TBCD: variants seen among roughly 807,000 people sequenced by gnomAD.
TBCD encodes tubulin folding cofactor D.
A neutral mutation model predicts 169.3 loss-of-function variants in TBCD; 105 were observed. The ratio of observed to expected loss-of-function variants is 0.62; its 90% CI spans 0.53 to 0.73. TBCD has a LOEUF of 0.73. Ranked by LOEUF, TBCD falls within the 30% of genes least tolerant of loss-of-function variation. TBCD has a pLI of 0.00. For missense variants in TBCD, 1,444 were observed against 1,600.1 expected, an observed-to-expected ratio of 0.90 and a Z score of 1.66; for synonymous variants, 700 against 643.9, an observed-to-expected ratio of 1.09 and a Z score of -1.32.
At position 82,921,607 on chromosome 17, in the gene TBCD, C is replaced by T. The variant is rs372490951; in HGVS notation, c.2178+30C>T. 28 of 1,606,052 alleles carry T rather than the reference C, an allele frequency of 1.7e-5. No homozygotes were observed. The East Asian group carries it at 2.2e-4, about 13-fold the overall frequency. ...AGTGAGCATGGGCGTTCCCGGCCGG[C>T]GCTGTGGCGGTGTTAGTGTGTTAGT... On this transcript the variant is annotated intron_variant, in intron 25 of 38. Transcript: ENST00000355528.
chr17:82,817,029 T>C (rs570274246), intron 13 of TBCD, among the ~76,000 whole-genome samples: 1 of 152,338 alleles, frequency 6.6e-6, no homozygotes, highest in African/African-American at 2.4e-5. Flanking sequence ...AATATTTTTT[T>C]AATTGTTGTT....
intron 13 of TBCD, among the ~76,000 whole-genome samples, chr17:82,854,678 C>T (rs2056101973): frequency 6.6e-6 from 1 of 152,184 alleles, no homozygotes; most frequent in Non-Finnish European, 1.5e-5. Context: ...CTGGGGGGAG[C>T]TGGGCAGCAG....
intron 34 of TBCD, among the ~76,000 whole-genome samples, chr17:82,936,392 C>T (rs184254435): frequency 2.6e-5 from 4 of 152,346 alleles, no homozygotes; most frequent in African/African-American, 9.6e-5. Context: ...CCCTTCCTTC[C>T]GTGCCCGGTG....
intron 13 of TBCD, chr17:82,830,576 C>T (rs1477499121): frequency 6.2e-7 from 1 of 1,614,084 alleles, no homozygotes; most frequent in East Asian, 2.2e-5. Context: ...TGTGGAACAG[C>T]AGCAGCAGGT....
At chr17:82,757,964 C>T (rs2047491964) in intron 2 of TBCD, among the ~76,000 whole-genome samples, 2 of 152,174 alleles carry the variant, frequency 1.3e-5, no homozygotes, top group African/African-American at 4.8e-5. Flanking sequence ...CAAGTAACAA[C>T]GTTGGACCTG....
intron 3 of TBCD, 34 bp downstream of exon 3, chr17:82,764,096 T>A (rs759548901): frequency 1.8e-5 from 27 of 1,527,342 alleles, no homozygotes; most frequent in Non-Finnish European, 2.4e-5. Context: ...AGTTGACAGA[T>A]ACTTTTGTAA....
At chr17:82,901,827 C>T (rs1428146686) in intron 18 of TBCD, among the ~76,000 whole-genome samples, 44 of 152,222 alleles carry the variant, frequency 2.9e-4, no homozygotes, top group Non-Finnish European at 1.5e-5. Flanking sequence ...CTCGGGGTGT[C>T]CCTGCAAATG....
Position 82,932,744 on chromosome 17 carries a change from C to A in TBCD, c.3191+9C>A. On this transcript the variant is annotated intron_variant, in intron 34 of 38. Coordinates refer to ENST00000355528, the MANE Select transcript of TBCD (RefSeq NM_005993.5). ...TTCACCACGGAGGAGGAGTGAGGCT[C>A]TGCTTTTCATGACTTCCTTTCCGAT... The A allele has an allele frequency of 6.2e-7, 1 of 1,613,722 alleles. No individual in the cohort carries two copies. The highest frequency in any genetic ancestry group is 8.5e-7 in the Non-Finnish European group (1 of 1,179,824).
chr17:82,784,831 G>A (rs960888635), intron 7 of TBCD, among the ~76,000 whole-genome samples: 12 of 152,184 alleles, frequency 7.9e-5, no homozygotes, highest in Non-Finnish European at 1.2e-4. Flanking sequence ...AGCCTTACCC[G>A]GCTGGTGGCA....
intron 34 of TBCD, among the ~76,000 whole-genome samples, chr17:82,936,240 T>A (rs538350489): frequency 2.3e-4 from 35 of 152,382 alleles, no homozygotes; most frequent in African/African-American, 8.4e-4. Flanking sequence ...GCTGATTCTC[T>A]CTGAAGATGT....
At position 82,903,702 on chromosome 17, in the gene TBCD, C is replaced by T. The variant is rs1320862398; in HGVS notation, c.1804+224C>T. ...GGGAGCCGCTGAACTGTGTTACGTACACCGGAGCCCGTGATGGTCCCGCCG... is the reference window on the plus strand; with the variant it reads ...GGGAGCCGCTGAACTGTGTTACGTATACCGGAGCCCGTGATGGTCCCGCCG... On this transcript the variant is annotated intron_variant, in intron 19 of 38. Transcript: ENST00000355528. This position sits in a 1 kb window ranked among gnomAD's most constrained non-coding sequence, Gnocchi z 4.8. Among the ~76,000 whole-genome samples the T allele has an allele frequency of 1.3e-5, 2 of 152,250 alleles. No individual in the cohort carries two copies. Among genetic ancestry groups the T allele is most frequent in the African/African-American group, 2.4e-5 (1 of 41,464 alleles).
intron 7 of TBCD, among the ~76,000 whole-genome samples, chr17:82,786,057 G>T (rs73362971): frequency 6.6e-6 from 1 of 152,008 alleles, no homozygotes. Context: ...TCAGCTTCAC[G>T]GCCTTCATGA....
Position 82,937,832 on chromosome 17 carries a change from C to T in TBCD, c.3282-217C>T, listed in dbSNP as rs3785519. On this transcript the variant is annotated intron_variant, in intron 35 of 38. Transcript: ENST00000355528. ...TGCAGGAGATCCTCTGTGAGGCGTC[C>T]TCACTTCCCACAGTGACTTTCCAAG... 2.8e-3 allele frequency: 4,098 copies of T among 1,474,996 alleles called. 153 individuals carry two copies. In the East Asian group the frequency reaches 0.081, roughly 29 times the overall value. 91.4% of individuals were successfully genotyped at this position (1,474,996 alleles called of 1,614,324 possible). A position where few individuals can be genotyped will look rare whatever the true frequency, so the allele number is the denominator to read the frequency against.
intron 13 of TBCD, chr17:82,838,914 A>G: frequency 1.0e-6 from 1 of 985,432 alleles, no homozygotes. Flanking sequence ...GCCTTTGCTA[A>G]TGCGCAGTGA....
At chr17:82,824,670 T>C (rs2052689278) in intron 13 of TBCD, among the ~76,000 whole-genome samples, 1 of 152,216 alleles carries the variant, frequency 6.6e-6, no homozygotes, top group South Asian at 2.1e-4. Flanking sequence ...ATTTTCTTGA[T>C]CCATTCATTT....
At chr17:82,768,889 T>C (rs1450292977) in intron 5 of TBCD, among the ~76,000 whole-genome samples, 1 of 152,204 alleles carries the variant, frequency 6.6e-6, no homozygotes, top group African/African-American at 2.4e-5. Flanking sequence ...ATATAAATAA[T>C]AGATGCTCAT....
At chr17:82,774,893 C>G (rs1219718327) in intron 6 of TBCD, among the ~76,000 whole-genome samples, 1 of 152,236 alleles carries the variant, frequency 6.6e-6, no homozygotes, top group Non-Finnish European at 1.5e-5. Context: ...AAGTTCTTTC[C>G]CCGTCTTTTC....
intron 6 of TBCD, among the ~76,000 whole-genome samples, chr17:82,777,758 G>A (rs2048690914): frequency 1.3e-5 from 2 of 152,246 alleles, no homozygotes; most frequent in Admixed American, 1.3e-4. Flanking sequence ...GAGACGGTTA[G>A]GCCTCCGGAT....
chr17:82,758,332 C>G (rs1285705839), intron 2 of TBCD, among the ~76,000 whole-genome samples: 1 of 125,958 alleles, frequency 7.9e-6, no homozygotes, highest in East Asian at 2.8e-4. Context: ...TGCAGTGAGC[C>G]AAGATCGTGC....
Sources: gnomAD v4.1 joint callset for allele counts (sites outside exome capture counted in the v4.1 genomes callset) on GRCh38, gnomAD v4.1.1 for gene constraint, Gnocchi (gnomAD v3.1) non-coding constraint, MANE v1.5 for transcripts, NCBI Gene and HGNC (gene_info 2026-07-23, HGNC 2026-07-21) for gene names.